The following ATXN8OS variants were observed in gnomAD, a reference collection of about 807,000 sequenced individuals.
ATXN8OS encodes ATXN8 opposite strand (non-protein coding).
At chr13:70,162,124 A>G (rs1424413784) in intron 4 of ATXN8OS, among the ~76,000 whole-genome samples, 4 of 152,072 alleles carry the variant, frequency 2.6e-5, no homozygotes, top group African/African-American at 9.7e-5. Context: ...TTGAGTTAAA[A>G]TTGTGTTTAT....
intron 3 of ATXN8OS, among the ~76,000 whole-genome samples, chr13:70,138,263 C>T (rs1274296985): frequency 6.6e-6 from 1 of 151,796 alleles, no homozygotes; most frequent in African/African-American, 2.4e-5. Flanking sequence ...GTTACTTGTA[C>T]CTTCAAGAGA....
At chr13:70,142,881 C>T (rs1888736397) in intron 3 of ATXN8OS, among the ~76,000 whole-genome samples, 1 of 152,106 alleles carries the variant, frequency 6.6e-6, no homozygotes, top group Admixed American at 6.5e-5. Context: ...TGAGACCAAC[C>T]TGACCAACAT....
upstream of ATXN8OS, chr13:70,107,596 C>T: frequency 1.3e-6 from 2 of 1,597,236 alleles, no homozygotes; most frequent in Non-Finnish European, 1.7e-6. Flanking sequence ...CAGGCAGCCT[C>T]CCCCCGCCGG....
chr13:70,125,183 C>T (rs912324114), intron 2 of ATXN8OS, among the ~76,000 whole-genome samples: 2 of 152,088 alleles, frequency 1.3e-5, no homozygotes, highest in Admixed American at 6.6e-5. Flanking sequence ...GTATCCTCTG[C>T]TATTTCTCAA....
At chr13:70,131,505 T>G (rs1386581698) in intron 3 of ATXN8OS, 1 of 398,368 alleles carries the variant, frequency 2.5e-6, no homozygotes, top group Admixed American at 4.4e-5. Context: ...TTTTTTTACA[T>G]GCTCTCTATA....
chr13:70,144,031 G>C (rs1461606123), intron 3 of ATXN8OS, among the ~76,000 whole-genome samples: 2 of 152,048 alleles, frequency 1.3e-5, no homozygotes, highest in African/African-American at 4.8e-5. Context: ...AAATAAAACT[G>C]TCACAGAATG....
At chr13:70,171,620 GT>G (rs1450594307) in exon 5 of ATXN8OS, among the ~76,000 whole-genome samples, 6 of 152,076 alleles carry the variant, frequency 3.9e-5, no homozygotes, top group African/African-American at 1.2e-4. Flanking sequence ...GGTATATGCA[GT>G]TTGTAGTTGA....
intron 4 of ATXN8OS, among the ~76,000 whole-genome samples, chr13:70,163,674 A>T (rs1214342209): frequency 6.6e-6 from 1 of 151,986 alleles, no homozygotes; most frequent in Non-Finnish European, 1.5e-5. Context: ...CTTTCACTCA[A>T]ATATCTCAAT....
chr13:70,138,063 C>G (rs1419705229), intron 3 of ATXN8OS, among the ~76,000 whole-genome samples: 1 of 152,176 alleles, frequency 6.6e-6, no homozygotes, highest in Non-Finnish European at 1.5e-5. Flanking sequence ...GAAATCCGCC[C>G]ACGTGATCCA....
At chr13:70,130,326 T>G (rs1345854298) in intron 3 of ATXN8OS, among the ~76,000 whole-genome samples, 4 of 152,122 alleles carry the variant, frequency 2.6e-5, no homozygotes. Context: ...ACTTTAAAAT[T>G]AAGGATTAAT....
In ATXN8OS at chr13:70,125,974, G is replaced by C. The variant is rs377743541; in HGVS notation, n.399-3810G>C. Among the ~76,000 whole-genome samples the C allele has an allele frequency of 3.4e-4, 51 of 152,236 alleles. 1 individual carries two copies. The South Asian group carries it at 0.01, about 31-fold the overall frequency. On this transcript the variant is annotated intron_variant and non_coding_transcript_variant, in intron 2 of 4. Coordinates refer to ENST00000678624, the Ensembl canonical transcript of ATXN8OS. ...TACTTTAGCTAAAGACAAGCGGTGT[G>C]ATGCAAAGGAGAAGGGGCCAAATCA... is the stretch of plus-strand genomic sequence containing the variant.
intron 3 of ATXN8OS, among the ~76,000 whole-genome samples, chr13:70,142,184 C>T (rs1888727274): frequency 1.3e-5 from 2 of 152,128 alleles, no homozygotes; most frequent in Non-Finnish European, 2.9e-5. Context: ...GTGCTTTGAA[C>T]ACATTTTAAC....
At chr13:70,149,614 A>T (rs529542990) in intron 4 of ATXN8OS, among the ~76,000 whole-genome samples, 1 of 152,282 alleles carries the variant, frequency 6.6e-6, no homozygotes, top group East Asian at 1.9e-4. Flanking sequence ...TAGCAGTCAG[A>T]AGACATTTAC....
intron 4 of ATXN8OS, among the ~76,000 whole-genome samples, chr13:70,153,177 G>C (rs1888893951): frequency 6.6e-6 from 1 of 152,032 alleles, no homozygotes; most frequent in Non-Finnish European, 1.5e-5. Context: ...AGACATTACT[G>C]GAAATTAGTA....
intron 3 of ATXN8OS, among the ~76,000 whole-genome samples, chr13:70,145,135 A>G (rs1176948581): frequency 8.6e-5 from 13 of 152,014 alleles, no homozygotes; most frequent in Non-Finnish European, 1.2e-4. Context: ...TGTTTTTATC[A>G]GGTTTGTCAA....
intron 3 of ATXN8OS, among the ~76,000 whole-genome samples, chr13:70,141,107 T>G (rs1888708406): frequency 6.6e-6 from 1 of 152,194 alleles, no homozygotes; most frequent in Non-Finnish European, 1.5e-5. Context: ...TGTATTTTCT[T>G]GCTGTACATC....
intron 2 of ATXN8OS, among the ~76,000 whole-genome samples, chr13:70,115,743 G>T (rs1400028988): frequency 6.6e-6 from 1 of 152,068 alleles, no homozygotes; most frequent in East Asian, 1.9e-4. Context: ...TTATAGTGGA[G>T]GAGAGGTCAG....
intron 4 of ATXN8OS, among the ~76,000 whole-genome samples, chr13:70,161,126 A>G (rs1889003954): frequency 6.6e-6 from 1 of 151,918 alleles, no homozygotes; most frequent in Admixed American, 6.6e-5. Context: ...TAAATACTGC[A>G]AGATTTAAAT....
At chr13:70,122,125 T>C (rs1888367686) in intron 2 of ATXN8OS, among the ~76,000 whole-genome samples, 1 of 152,022 alleles carries the variant, frequency 6.6e-6, no homozygotes. Flanking sequence ...TAATCCACAA[T>C]GCTTTATCCC....
Sources: allele counts gnomAD v4.1 joint callset (sites outside exome capture counted in the v4.1 genomes callset), GRCh38; gene constraint gnomAD v4.1.1; transcripts MANE v1.5; gene names NCBI Gene and HGNC (gene_info 2026-07-23, HGNC 2026-07-21).